The following TTI2 variants were observed in gnomAD, a reference collection of about 807,000 sequenced individuals.
TTI2 encodes the protein TELO2-interacting protein 2.
A neutral mutation model predicts 44.9 loss-of-function variants in TTI2; 26 were observed. That is an observed-to-expected ratio of 0.58 (90% confidence interval 0.42 to 0.80). TTI2 has a LOEUF of 0.80. TTI2 is among the 30% of genes least tolerant of loss of function. The pLI, the probability that TTI2 is intolerant of heterozygous loss-of-function variation, is 0.00. For missense variants in TTI2, 582 were observed against 611.6 expected (o/e 0.95, Z 0.51); for synonymous variants, 254 against 250.9 (o/e 1.01, Z -0.12).
In TTI2 at chr8:33,498,937, T is replaced by C; in HGVS notation, c.*236A>G. 1 of 581,964 alleles carries C rather than the reference T, an allele frequency of 1.7e-6. No homozygotes were observed. The highest frequency in any genetic ancestry group is 3.0e-6 in the Non-Finnish European group (1 of 330,658). The allele number at this position is 581,964 out of a possible 1,614,324, so 36.1% of individuals were successfully genotyped here. A position where few individuals can be genotyped will look rare whatever the true frequency, so the allele number is the denominator to read the frequency against. On this transcript the variant is annotated 3_prime_UTR_variant, in exon 8 of 8. Transcript: ENST00000431156. Reference sequence around the variant, plus strand: ...GATGTAAATATTTCTAAATTTTAAATGCTACATTACTTGGTGTCCTTTTTT... The same window carrying C: ...GATGTAAATATTTCTAAATTTTAAACGCTACATTACTTGGTGTCCTTTTTT...
chr8:33,504,788 C>T (rs1205402400), intron 4 of TTI2, among the ~76,000 whole-genome samples: 1 of 152,150 alleles, frequency 6.6e-6, no homozygotes, highest in Non-Finnish European at 1.5e-5. Flanking sequence ...TCAGGTACTT[C>T]CTTTTAACTT....
intron 3 of TTI2, among the ~76,000 whole-genome samples, chr8:33,508,218 GTAAAAC>G (rs1293484597): frequency 1.4e-5 from 2 of 147,404 alleles, no homozygotes; most frequent in Non-Finnish European, 3.0e-5. Flanking sequence ...CCATGTACAC[GTAAAAC>G]TAATAAAATG....
intron 4 of TTI2, among the ~76,000 whole-genome samples, chr8:33,505,877 T>A (rs1455977908): frequency 6.6e-6 from 1 of 152,112 alleles, no homozygotes; most frequent in Admixed American, 6.5e-5. Context: ...ATGGTCTCGA[T>A]CTCCCGACCT....
At chr8:33,506,093 C>A (rs758652137) in intron 4 of TTI2, among the ~76,000 whole-genome samples, 2 of 152,006 alleles carry the variant, frequency 1.3e-5, no homozygotes, top group Non-Finnish European at 2.9e-5. Flanking sequence ...CCACCCACTG[C>A]GCTTTATAGA....
At chr8:33,503,723 A>T in intron 5 of TTI2, 25 bp downstream of exon 5, 1 of 1,611,758 alleles carries the variant, frequency 6.2e-7, no homozygotes, top group Non-Finnish European at 8.5e-7. Flanking sequence ...ATAAAATAAT[A>T]ATAAATAAAA....
Position 33,499,127 on chromosome 8 carries a change from TGGGATGG to T in TTI2, c.*39_*45del. 1.4e-6 allele frequency: 2 copies of T among 1,467,044 alleles called. No homozygotes were observed. The highest frequency in any genetic ancestry group is 1.9e-6 in the Non-Finnish European group (2 of 1,046,644). 90.9% of individuals were successfully genotyped at this position (1,467,044 alleles called of 1,614,324 possible). ...CTTAAATAACTCCATTCATACAAAT[TGGGATGG>T]GAAGAAAATCCTTTCCTCTTGGGAA... On this transcript the variant is annotated 3_prime_UTR_variant, in exon 8 of 8. Transcript: ENST00000431156.
chr8:33,512,864 G>C (rs1809609309), intron 1 of TTI2, 152 bp from the exon 2 acceptor site: 1 of 222,292 alleles, frequency 4.5e-6, no homozygotes. Flanking sequence ...GACAGAGTGA[G>C]ACTCCGTCTC....
intron 7 of TTI2, 108 bp downstream of exon 7, chr8:33,500,220 G>A: frequency 7.6e-7 from 1 of 1,320,380 alleles, no homozygotes; most frequent in Non-Finnish European, 1.1e-6. Flanking sequence ...AACCCTCCAT[G>A]TTCATTTCCA....
At chr8:33,500,214 C>G in intron 7 of TTI2, 114 bp downstream of exon 7, 1 of 1,253,690 alleles carries the variant, frequency 8.0e-7, no homozygotes, top group East Asian at 2.4e-5. Flanking sequence ...ATCTAAAACC[C>G]TCCATGTTCA....
intron 2 of TTI2, among the ~76,000 whole-genome samples, chr8:33,510,285 CAAAT>C: frequency 6.6e-6 from 1 of 152,158 alleles, no homozygotes; most frequent in Non-Finnish European, 1.5e-5. Flanking sequence ...ACTAAGGAAA[CAAAT>C]GAATCAACAC....
At chr8:33,501,379 CCATGCTTCACCCCCT>C (rs1809073208) in intron 6 of TTI2, 1 of 152,076 alleles carries the variant, frequency 6.6e-6, no homozygotes, top group African/African-American at 2.4e-5. Flanking sequence ...TTTCCATTTC[CCATGCTTCACCCCCT>C]CATACGCATA....
intron 7 of TTI2, 125 bp downstream of exon 7, chr8:33,500,203 G>T: frequency 9.2e-7 from 1 of 1,088,016 alleles, no homozygotes; most frequent in Non-Finnish European, 1.4e-6. Context: ...CTCATATGGA[G>T]ATCTAAAACC....
intron 2 of TTI2, among the ~76,000 whole-genome samples, chr8:33,511,660 G>C (rs1240833768): frequency 6.6e-6 from 1 of 152,098 alleles, no homozygotes; most frequent in East Asian, 1.9e-4. Flanking sequence ...GCCCGAGGCG[G>C]GTGGATCACT....
rs1554527020 is a variant in TTI2 at position 33,503,883 on chromosome 8, T to C, written c.980A>G (p.His327Arg). 1.9e-6 allele frequency: 3 copies of C among 1,614,070 alleles called. No homozygotes were observed. The highest frequency in any genetic ancestry group is 2.5e-6 in the Non-Finnish European group (3 of 1,180,006). The change falls in exon 5 of 8, where the codon CAC becomes CGC. Residue 327 changes from histidine (H) to arginine (R), a missense_variant. By Grantham distance (29) the His-to-Arg change is conservative (BLOSUM62 0). Transcript: ENST00000431156. ...GGGTCGAGCTCCATCTCCTTTCCAG[T>C]GCAGGGTTTTCTCCAGGATGGGGAA... The part of the protein sequence containing the change: ...DLFPILEKTL[H>R]WKGDGARPTT...
chr8:33,511,990 C>G lies in TTI2; in HGVS notation c.624G>C (p.Gly208=). Residue 208 remains glycine (G), a synonymous_variant, in exon 2 of 8, where the codon GGG becomes GGC. Transcript: ENST00000431156. ...DEKGRLSVIL[G]LLKPDLYKES... ...ACTTATACAAGTCGGGTTTGAGAAGCCCTAGTATCACCGAAAGTCTCCCTT... is the reference window on the plus strand; with the variant it reads ...ACTTATACAAGTCGGGTTTGAGAAGGCCTAGTATCACCGAAAGTCTCCCTT... 7 of 1,614,180 alleles carry G rather than the reference C, an allele frequency of 4.3e-6. No individual in the cohort carries two copies. The highest frequency in any genetic ancestry group is 5.9e-6 in the Non-Finnish European group (7 of 1,180,044).
At chr8:33,503,166 A>C (rs1429213079) in intron 6 of TTI2, among the ~76,000 whole-genome samples, 1 of 110,522 alleles carries the variant, frequency 9.0e-6, no homozygotes, top group Non-Finnish European at 1.9e-5. Context: ...GATATACTAG[A>C]GTTTCAAAGA....
chr8:33,503,849 A>G lies in TTI2; in HGVS notation c.1014T>C (p.His338=). 1 of 1,614,098 alleles carries G rather than the reference A, an allele frequency of 6.2e-7. No individual in the cohort carries two copies. The highest frequency in any genetic ancestry group is 8.5e-7 in the Non-Finnish European group (1 of 1,180,020). ...WKGDGARPTT[H]CDEVLRLILT... is the part of the protein sequence containing the mutation. The stretch of plus-strand genomic sequence containing the variant: ...GGATCAGCCGCAGGACCTCATCACA[A>G]TGGGTGGTGGGTCGAGCTCCATCTC... Residue 338 remains histidine, a synonymous_variant, in exon 5 of 8, where the codon CAT becomes CAC. Transcript: ENST00000431156.
intron 4 of TTI2, among the ~76,000 whole-genome samples, chr8:33,505,793 A>G (rs1041743217): frequency 1.3e-4 from 20 of 152,304 alleles, no homozygotes; most frequent in African/African-American, 4.6e-4. Flanking sequence ...AGCTGTGACT[A>G]CAGACACGTG....
chr8:33,500,723 T>G, intron 6 of TTI2: 1 of 475,138 alleles, frequency 2.1e-6, no homozygotes, highest in Non-Finnish European at 3.8e-6. Flanking sequence ...GCCACACTGC[T>G]CTCTTCCTTC....
Sources: allele counts gnomAD v4.1 joint callset (sites outside exome capture counted in the v4.1 genomes callset), GRCh38; gene constraint gnomAD v4.1.1; transcripts MANE v1.5; gene names NCBI Gene and HGNC (gene_info 2026-07-23, HGNC 2026-07-21).